The following CTNNA2 variants were observed in gnomAD, a reference collection of about 807,000 sequenced individuals.
CTNNA2 encodes catenin alpha-2.
A neutral mutation model predicts 101.0 loss-of-function variants in CTNNA2; 42 were observed. That is an observed-to-expected ratio of 0.42 (90% confidence interval 0.32 to 0.54). CTNNA2 has a LOEUF of 0.54. Ranked by LOEUF, CTNNA2 falls within the 20% of genes least tolerant of loss-of-function variation. CTNNA2 has a pLI of 0.14. For missense variants in CTNNA2, 871 were observed against 1,223.1 expected (o/e 0.71, Z 4.29); for synonymous variants, 450 against 456.4 (o/e 0.99, Z 0.18).
intron 9 of CTNNA2, among the ~76,000 whole-genome samples, chr2:80,511,728 G>C (rs1410809365): frequency 6.6e-6 from 1 of 152,170 alleles, no homozygotes; most frequent in Non-Finnish European, 1.5e-5. Context: ...TTACAGAATT[G>C]TGTCCAAGGT....
At chr2:80,556,738 G>C (rs188292467) in intron 12 of CTNNA2, among the ~76,000 whole-genome samples, 21 of 152,282 alleles carry the variant, frequency 1.4e-4, no homozygotes, top group African/African-American at 5.1e-4. Context: ...ATAGTCCAAG[G>C]AATGAGAGGA....
intron 9 of CTNNA2, among the ~76,000 whole-genome samples, chr2:80,463,435 A>G (rs868054565): frequency 1.4e-4 from 22 of 152,300 alleles, no homozygotes; most frequent in African/African-American, 5.1e-4. Flanking sequence ...GCAGATCCTT[A>G]GAAGGGTTAT....
intron 2 of CTNNA2, among the ~76,000 whole-genome samples, chr2:79,689,124 T>C (rs1348025092): frequency 6.6e-6 from 1 of 151,634 alleles, no homozygotes; most frequent in African/African-American, 2.4e-5. Flanking sequence ...TATCTCCAAA[T>C]TGTCTTATTT....
chr2:80,593,411 A>T (rs1696682101), intron 15 of CTNNA2, among the ~76,000 whole-genome samples: 1 of 151,678 alleles, frequency 6.6e-6, no homozygotes, highest in Non-Finnish European at 1.5e-5. Context: ...ACCTCACATT[A>T]TCTAAATGAC....
chr2:80,547,145 CAT>C (rs755918444), intron 11 of CTNNA2, among the ~76,000 whole-genome samples: 1 of 152,134 alleles, frequency 6.6e-6, no homozygotes, highest in Non-Finnish European at 1.5e-5. Flanking sequence ...CCGGAAGAAA[CAT>C]AATAAATTCC....
chr2:79,419,301 A>G (rs1480334674), intron 4 of CTNNA2, among the ~76,000 whole-genome samples: 1 of 152,216 alleles, frequency 6.6e-6, no homozygotes. Flanking sequence ...GACTATCAGT[A>G]AGTATCAGTA....
chr2:79,642,370 A>G (rs1166280116), intron 1 of CTNNA2, among the ~76,000 whole-genome samples: 2 of 152,196 alleles, frequency 1.3e-5, no homozygotes, highest in African/African-American at 4.8e-5. Flanking sequence ...CTACTTAGAC[A>G]TTGCATATCA....
At chr2:80,330,411 G>A (rs1671211841) in intron 7 of CTNNA2, among the ~76,000 whole-genome samples, 1 of 152,048 alleles carries the variant, frequency 6.6e-6, no homozygotes, top group African/African-American at 2.4e-5. Flanking sequence ...GCCCTGAGGA[G>A]GTTATAAGAT....
chr2:79,326,449 T>C (rs1380175043), intron 3 of CTNNA2, among the ~76,000 whole-genome samples: 2 of 152,172 alleles, frequency 1.3e-5, no homozygotes, highest in Admixed American at 1.3e-4. Flanking sequence ...TAGAATCCAC[T>C]CTTTATACAA....
At chr2:79,804,506 C>A (rs554872448) in intron 3 of CTNNA2, among the ~76,000 whole-genome samples, 77 of 152,168 alleles carry the variant, frequency 5.1e-4, no homozygotes, top group Admixed American at 8.5e-4. Flanking sequence ...GCAGCAGTGG[C>A]CAACTTCTTT....
intron 1 of CTNNA2, among the ~76,000 whole-genome samples, chr2:79,638,218 CA>C (rs1680210943): frequency 2.0e-5 from 3 of 152,220 alleles, no homozygotes; most frequent in Admixed American, 6.5e-5. Flanking sequence ...TTGAGATGTA[CA>C]AAATTAACAG....
rs1254779017 is a variant in CTNNA2 at position 79,980,650 on chromosome 2, TATA to T, written c.1056+70856_1056+70858del. On this transcript the variant is annotated intron_variant, in intron 7 of 18. Coordinates refer to ENST00000402739, the MANE Select transcript of CTNNA2 (RefSeq NM_001282597.3). ...TTTTTAAGATTTTTTAAAAGTAAAA[TATA>T]ATGTTAAGAGCAAAGGGCTATAGTG... Among the ~76,000 whole-genome samples the T allele has an allele frequency of 3.3e-5, 5 of 152,280 alleles. No homozygotes were observed. In the East Asian group the frequency reaches 7.7e-4, roughly 24 times the overall value.
intron 7 of CTNNA2, among the ~76,000 whole-genome samples, chr2:80,064,215 C>A (rs1340213521): frequency 6.6e-6 from 1 of 152,134 alleles, no homozygotes; most frequent in Non-Finnish European, 1.5e-5. Context: ...CTGGGTTATC[C>A]AATATTCATG....
intron 1 of CTNNA2, among the ~76,000 whole-genome samples, chr2:79,567,746 C>G (rs1162759998): frequency 4.6e-5 from 7 of 151,896 alleles, no homozygotes. Context: ...AAGGTAGAGC[C>G]AAGGGATGTA....
intron 7 of CTNNA2, among the ~76,000 whole-genome samples, chr2:79,921,452 A>G (rs1686647321): frequency 6.6e-6 from 1 of 152,158 alleles, no homozygotes; most frequent in Non-Finnish European, 1.5e-5. Flanking sequence ...TCTTCTTTGA[A>G]TTCCTTAGAA....
chr2:79,226,635 A>G (rs1295304941), intron 2 of CTNNA2, among the ~76,000 whole-genome samples: 2 of 152,190 alleles, frequency 1.3e-5, no homozygotes, highest in African/African-American at 4.8e-5. Flanking sequence ...ATTTCTTATT[A>G]TTTCCCTTTT....
At chr2:79,268,162 A>G (rs1390196866) in intron 2 of CTNNA2, among the ~76,000 whole-genome samples, 1 of 152,126 alleles carries the variant, frequency 6.6e-6, no homozygotes, top group Non-Finnish European at 1.5e-5. Context: ...CCTAGTATCA[A>G]CAGGCATGAT....
intron 11 of CTNNA2, among the ~76,000 whole-genome samples, chr2:80,554,435 G>A (rs1049616800): frequency 8.6e-5 from 13 of 152,034 alleles, no homozygotes; most frequent in Non-Finnish European, 1.5e-5. Flanking sequence ...GGTGTGTTTT[G>A]GAGAATACTG....
intron 7 of CTNNA2, among the ~76,000 whole-genome samples, chr2:80,300,281 G>GGT (rs70940079): frequency 0.039 from 3,593 of 93,010 alleles, 67 homozygotes; most frequent in Admixed American, 0.063. Flanking sequence ...GGGGTGTTGG[G>GGT]GTGTGTGTGT....
Sources: allele counts gnomAD v4.1 joint callset (sites outside exome capture counted in the v4.1 genomes callset), GRCh38; gene constraint gnomAD v4.1.1; transcripts MANE v1.5; gene names NCBI Gene and HGNC (gene_info 2026-07-23, HGNC 2026-07-21).